The following SYCP2 variants were observed in gnomAD, a reference collection of about 807,000 sequenced individuals.
SYCP2 encodes the protein synaptonemal complex protein 2.
Under a neutral mutation model 211.3 loss-of-function variants are expected in SYCP2, and 55 were observed. That is an observed-to-expected ratio of 0.26 (90% CI 0.21 to 0.33). SYCP2 has a LOEUF of 0.33. Ranked by LOEUF, SYCP2 falls within the 10% of genes least tolerant of loss-of-function variation. SYCP2 has a pLI of 1.00. For missense variants in SYCP2, 1,731 were observed against 1,752.0 expected (o/e 0.99, Z 0.21); for synonymous variants, 570 against 555.2 (o/e 1.03, Z -0.37).
chr20:59,868,085 G>T (rs1042647586), intron 38 of SYCP2, among the ~76,000 whole-genome samples: 6 of 151,512 alleles, frequency 4.0e-5, no homozygotes, highest in Non-Finnish European at 7.4e-5. Flanking sequence ...CTTTAAGCTG[G>T]AACATTTATG....
chr20:59,914,687 A>G (rs1288881870), intron 10 of SYCP2, among the ~76,000 whole-genome samples: 1 of 151,120 alleles, frequency 6.6e-6, no homozygotes, highest in Non-Finnish European at 1.5e-5. Flanking sequence ...CAAAAAGCTT[A>G]GAAAATAAAT....
chr20:59,896,328 CAA>C, intron 19 of SYCP2, 99 bp downstream of exon 19: 1 of 629,574 alleles, frequency 1.6e-6, no homozygotes, highest in Non-Finnish European at 2.7e-6. Context: ...TTTTATACAC[CAA>C]ACTTATCCTT....
chr20:59,881,856 G>GCA, intron 28 of SYCP2, 89 bp downstream of exon 28: 1 of 983,796 alleles, frequency 1.0e-6, no homozygotes, highest in Non-Finnish European at 1.5e-6. Flanking sequence ...ATATGAGGAT[G>GCA]CACATTAAAA....
chr20:59,885,781 A>G, intron 26 of SYCP2, 147 bp downstream of exon 26: 1 of 688,628 alleles, frequency 1.5e-6, no homozygotes, highest in Non-Finnish European at 2.5e-6. Flanking sequence ...AGTACTTGCT[A>G]TTAAACCTGT....
At chr20:59,877,632 C>A in intron 32 of SYCP2, 77 bp from the exon 33 acceptor site, 2 of 1,240,876 alleles carry the variant, frequency 1.6e-6, no homozygotes, top group Non-Finnish European at 1.1e-6. Context: ...ATAAAATTGG[C>A]ACTGTGACAA....
chr20:59,898,718 C>T (rs989647504), intron 18 of SYCP2, among the ~76,000 whole-genome samples: 2 of 149,422 alleles, frequency 1.3e-5, no homozygotes, highest in African/African-American at 4.9e-5. Context: ...AGACTTCCTA[C>T]AAAAAAAAGA....
At chr20:59,912,736 C>T (rs549365166) in intron 12 of SYCP2, among the ~76,000 whole-genome samples, 1 of 152,202 alleles carries the variant, frequency 6.6e-6, no homozygotes, top group East Asian at 1.9e-4. Flanking sequence ...TGTCATAATT[C>T]CCATGTGTTG....
At position 59,916,480 on chromosome 20, in the gene SYCP2, CT is replaced by C; in HGVS notation, c.513+5del. ...TAGTTTTTAAAACACAAATAAATGA[CT>C]TTACCTCTTGCTGAATACAAATATT... On this transcript the variant is annotated splice_donor_5th_base_variant and intron_variant, in intron 8 of 44. Coordinates refer to ENST00000357552, the MANE Select transcript of SYCP2 (RefSeq NM_014258.4). 6.4e-7 allele frequency: 1 copy of C among 1,565,580 alleles called. No homozygotes were observed. Among genetic ancestry groups the C allele is most frequent in the Non-Finnish European group, 8.8e-7 (1 of 1,138,716 alleles).
intron 18 of SYCP2, among the ~76,000 whole-genome samples, chr20:59,897,881 C>T (rs527944668): frequency 3.9e-5 from 6 of 152,058 alleles, no homozygotes; most frequent in African/African-American, 9.6e-5. Flanking sequence ...GTCAGGAGTT[C>T]GAGACCAGCC....
intron 15 of SYCP2, among the ~76,000 whole-genome samples, chr20:59,902,978 CT>C (rs1254295927): frequency 1.1e-4 from 16 of 152,142 alleles, no homozygotes; most frequent in Admixed American, 2.6e-4. Context: ...ATGCTTTTGA[CT>C]TTTTTTCTAT....
chr20:59,886,617 GAAC>G, intron 25 of SYCP2, 87 bp downstream of exon 25: 1 of 940,060 alleles, frequency 1.1e-6, no homozygotes, highest in East Asian at 2.9e-5. Flanking sequence ...TACATTATCT[GAAC>G]CTATGTTTAA....
In SYCP2 at chr20:59,873,925, G is replaced by A. The variant is rs747167853; in HGVS notation, c.3486C>T (p.Pro1162=). ...ACAGGAAGTTTTTCTCATTGTTTTT[G>A]GGTGACTTTATTGTACCTCCAACTC... is the stretch of plus-strand genomic sequence containing the variant. ...NSGVGGTIKS[P]KNNEKNFLCA... Residue 1162 remains proline, a synonymous_variant, in exon 35 of 45, where the codon CCC becomes CCT. Transcript: ENST00000357552. 33 of 1,613,042 alleles carry A rather than the reference G, an allele frequency of 2.0e-5. No individual in the cohort carries two copies. In the Admixed American group the frequency reaches 5.2e-4, roughly 25 times the overall value.
At chr20:59,890,315 A>C (rs534227645) in intron 24 of SYCP2, among the ~76,000 whole-genome samples, 1 of 151,856 alleles carries the variant, frequency 6.6e-6, no homozygotes, top group South Asian at 2.1e-4. Flanking sequence ...ATCAAACACC[A>C]CATGTTCTCA....
At chr20:59,870,613 T>A (rs2059434163) in intron 35 of SYCP2, among the ~76,000 whole-genome samples, 2 of 151,746 alleles carry the variant, frequency 1.3e-5, no homozygotes, top group East Asian at 3.9e-4. Flanking sequence ...TATTGAAAAA[T>A]GGCAATTCTT....
At chr20:59,908,748 G>C (rs949345757) in intron 14 of SYCP2, among the ~76,000 whole-genome samples, 2 of 151,944 alleles carry the variant, frequency 1.3e-5, no homozygotes, top group African/African-American at 2.4e-5. Context: ...TAGCAATTTT[G>C]TTCCATTTTC....
intron 14 of SYCP2, among the ~76,000 whole-genome samples, chr20:59,908,063 G>A (rs1002498006): frequency 2.0e-5 from 3 of 152,070 alleles, no homozygotes; most frequent in African/African-American, 7.2e-5. Context: ...TGGCTAACAC[G>A]GTGAAACCCC....
chr20:59,891,956 G>A (rs368692742), intron 24 of SYCP2, 34 bp downstream of exon 24: 7 of 1,514,640 alleles, frequency 4.6e-6, no homozygotes, highest in Non-Finnish European at 6.2e-6. Flanking sequence ...GCATCTTATG[G>A]ATATGCAGAA....
chr20:59,898,770 T>A (rs1252843689), intron 18 of SYCP2, among the ~76,000 whole-genome samples: 1 of 151,536 alleles, frequency 6.6e-6, no homozygotes, highest in Non-Finnish European at 1.5e-5. Flanking sequence ...AAAGAGAAAG[T>A]GAAAATGAAC....
Position 59,896,519 on chromosome 20 carries a change from G to T in SYCP2, c.1414C>A (p.Pro472Thr), listed in dbSNP as rs751600219. 1 of 1,602,786 alleles carries T rather than the reference G, an allele frequency of 6.2e-7. No individual in the cohort carries two copies. Among genetic ancestry groups the T allele is most frequent in the African/African-American group, 1.3e-5 (1 of 74,656 alleles). The change falls in exon 19 of 45, where the codon CCT (proline) becomes ACT (threonine). Residue 472 changes from proline to threonine, a missense_variant. Physicochemically the swap from Pro to Thr is conservative, Grantham distance 38 (BLOSUM62 -1). This residue lies in a region of SYCP2 where 1,387 missense variants were observed against 1,351.3 expected (regional missense o/e 1.03). Coordinates refer to ENST00000357552, the MANE Select transcript of SYCP2 (RefSeq NM_014258.4). ...GCTTCAGACATTTTTCTTTTGCTAGGAGTAGTTTTCTGAAACCACGATGAA... is the reference window on the plus strand; with the variant it reads ...GCTTCAGACATTTTTCTTTTGCTAGTAGTAGTTTTCTGAAACCACGATGAA... ...RNNSQLEKTT[P>T]SKRKMSEASM...
Sources: gnomAD v4.1 joint callset for allele counts (sites outside exome capture counted in the v4.1 genomes callset) on GRCh38, gnomAD v4.1.1 for gene constraint, gnomAD v4.1.1 regional missense constraint, MANE v1.5 for transcripts, NCBI Gene and HGNC (gene_info 2026-07-23, HGNC 2026-07-21) for gene names.